PTPRQ: variants seen among roughly 807,000 people sequenced by gnomAD.
The protein encoded by PTPRQ is protein tyrosine phosphatase receptor type Q.
PTPRQ carries 199 observed loss-of-function variants against 246.0 expected under a neutral mutation model. That is an observed-to-expected ratio of 0.81 (90% CI 0.72 to 0.91). The LOEUF (loss-of-function observed/expected upper bound fraction) is 0.91, where lower values mean the gene tolerates loss of function less well. PTPRQ is among the 40% of genes least tolerant of loss of function. The pLI is 0.00. For synonymous variants in PTPRQ, 869 were observed against 853.2 expected (o/e 1.02, Z -0.32); for missense variants, 2,624 against 2,528.4 (o/e 1.04, Z -0.81).
At chr12:80,580,451 G>T (rs1013089923) in intron 25 of PTPRQ, among the ~76,000 whole-genome samples, 3 of 152,250 alleles carry the variant, frequency 2.0e-5, no homozygotes, top group Non-Finnish European at 4.4e-5. Flanking sequence ...CATTCTTAAA[G>T]AATGGAAATC....
Position 80,619,506 on chromosome 12 carries a change from A to C in PTPRQ, c.5353A>C (p.Ile1785Leu). ...ICYYSDDHGP[I>L]KNVQVLVTET... ...TTACTACAGTGATGATCATGGACCA[A>C]TAAAAAATGTACAAGTGCTTGTGAC... is the stretch of plus-strand genomic sequence containing the variant. Residue 1785 changes from isoleucine (I) to leucine (L), a missense_variant, in exon 31 of 45, where the codon ATA becomes CTA. Coordinates refer to ENST00000644991, the MANE Select transcript of PTPRQ (RefSeq NM_001145026.2). 1 of 1,540,544 alleles carries C rather than the reference A, an allele frequency of 6.5e-7. No individual in the cohort carries two copies.
chr12:80,515,742 CTTT>C (rs34385655), intron 17 of PTPRQ, among the ~76,000 whole-genome samples: 1 of 137,890 alleles, frequency 7.3e-6, no homozygotes. Flanking sequence ...CTGAATATTT[CTTT>C]TTTTTTTTTT....
chr12:80,548,847 A>G (rs974016259), intron 24 of PTPRQ, among the ~76,000 whole-genome samples: 2 of 152,008 alleles, frequency 1.3e-5, no homozygotes, highest in African/African-American at 4.8e-5. Context: ...GATATAGAGG[A>G]CCTCTGAGAA....
intron 25 of PTPRQ, among the ~76,000 whole-genome samples, chr12:80,566,664 C>T (rs1278915557): frequency 1.3e-5 from 2 of 151,730 alleles, no homozygotes; most frequent in Non-Finnish European, 2.9e-5. Context: ...CTCAGTCTCC[C>T]GAGTAGCTGG....
At chr12:80,562,864 C>T (rs1896868221) in intron 25 of PTPRQ, among the ~76,000 whole-genome samples, 2 of 151,530 alleles carry the variant, frequency 1.3e-5, no homozygotes, top group Non-Finnish European at 1.5e-5. Context: ...ATAAAATTGA[C>T]AAATCTCTAG....
At chr12:80,637,139 G>A (rs1004675467) in intron 35 of PTPRQ, among the ~76,000 whole-genome samples, 3 of 151,922 alleles carry the variant, frequency 2.0e-5, no homozygotes, top group African/African-American at 7.3e-5. Context: ...TGTGCCTGTA[G>A]TCCCAGCTAC....
chr12:80,582,615 C>A (rs1457693126), intron 25 of PTPRQ, among the ~76,000 whole-genome samples: 1 of 152,156 alleles, frequency 6.6e-6, no homozygotes, highest in African/African-American at 2.4e-5. Flanking sequence ...AGAAACCTGC[C>A]ATGCTGGCAC....
intron 3 of PTPRQ, among the ~76,000 whole-genome samples, chr12:80,451,113 G>T (rs1892752672): frequency 6.6e-6 from 1 of 152,202 alleles, no homozygotes; most frequent in Admixed American, 6.5e-5. Context: ...TTGGGAGGGT[G>T]TATGTGTCGA....
intron 33 of PTPRQ, among the ~76,000 whole-genome samples, chr12:80,626,684 A>G (rs1831758641): frequency 6.6e-6 from 1 of 152,188 alleles, no homozygotes; most frequent in African/African-American, 2.4e-5. Context: ...TCAGTGCTGT[A>G]CTTGTAACCA....
chr12:80,548,905 T>C (rs529950901), intron 24 of PTPRQ, among the ~76,000 whole-genome samples: 2 of 152,122 alleles, frequency 1.3e-5, no homozygotes, highest in East Asian at 3.9e-4. Context: ...AAAATAAGAC[T>C]GAGACTCCTT....
intron 17 of PTPRQ, among the ~76,000 whole-genome samples, chr12:80,522,535 C>T (rs1895533825): frequency 1.3e-5 from 2 of 151,990 alleles, no homozygotes; most frequent in African/African-American, 4.8e-5. Flanking sequence ...GAAATACGTC[C>T]CATCAATACC....
intron 26 of PTPRQ, among the ~76,000 whole-genome samples, chr12:80,595,014 T>C (rs912777376): frequency 2.0e-5 from 3 of 152,176 alleles, no homozygotes; most frequent in African/African-American, 7.2e-5. Flanking sequence ...TATGATTTGG[T>C]TTATATTTCT....
intron 8 of PTPRQ, among the ~76,000 whole-genome samples, chr12:80,478,876 T>A (rs1317211761): frequency 6.6e-6 from 1 of 152,034 alleles, no homozygotes; most frequent in Admixed American, 6.6e-5. Flanking sequence ...TGGGACTATG[T>A]GAAAAGACCA....
intron 26 of PTPRQ, among the ~76,000 whole-genome samples, chr12:80,602,022 G>A (rs1398158123): frequency 1.3e-5 from 2 of 151,580 alleles, no homozygotes; most frequent in African/African-American, 4.8e-5. Flanking sequence ...TCATCAAATC[G>A]AATCCTGGAG....
chr12:80,658,304 A>T (rs1254729906), intron 39 of PTPRQ, among the ~76,000 whole-genome samples: 2 of 152,070 alleles, frequency 1.3e-5, no homozygotes, highest in East Asian at 3.9e-4. Flanking sequence ...TTCAGGCTAC[A>T]CATCCCTGAT....
chr12:80,482,686 A>G lies in PTPRQ; in HGVS notation c.1187-1747A>G, dbSNP rs1190069542. On this transcript the variant is annotated intron_variant, in intron 8 of 44. Transcript: ENST00000644991. ...ACTCAAACAAATTTACAAGAGAAAA[A>G]CAAACAACCCCATCAAAAAGTGGGC... Among the ~76,000 whole-genome samples, 154 of 149,982 alleles carry G rather than the reference A, an allele frequency of 1.0e-3. 1 individual carries two copies. The highest frequency in any genetic ancestry group is 3.4e-3 in the African/African-American group (136 of 39,442).
Position 80,588,127 on chromosome 12 carries a change from A to G in PTPRQ, c.4286-2A>G. ...CTTTTAATTTTTCCCTTTAATTTTT[A>G]GTTCCCAGTGTTCCCACAAATATTG... On this transcript the variant is annotated splice_acceptor_variant, in intron 25 of 44. Coordinates refer to ENST00000644991, the MANE Select transcript of PTPRQ (RefSeq NM_001145026.2). LOFTEE classifies it high-confidence loss of function. 1 of 1,505,556 alleles carries G rather than the reference A, an allele frequency of 6.6e-7. No homozygotes were observed. Among genetic ancestry groups the G allele is most frequent in the Non-Finnish European group, 8.9e-7 (1 of 1,127,080 alleles). The allele number at this position is 1,505,556 out of a possible 1,614,324, so 93.3% of individuals were successfully genotyped here.
chr12:80,460,190 T>G (rs1280055141), intron 5 of PTPRQ, among the ~76,000 whole-genome samples: 1 of 152,216 alleles, frequency 6.6e-6, no homozygotes, highest in Admixed American at 6.5e-5. Flanking sequence ...ATCTTCTTTT[T>G]CAACTTATGA....
rs1350696920 is a variant in PTPRQ at position 80,669,481 on chromosome 12, G to A, written c.6453+17G>A. 1.3e-6 allele frequency: 2 copies of A among 1,534,426 alleles called. No homozygotes were observed. Among genetic ancestry groups the A allele is most frequent in the East Asian group, 2.5e-5 (1 of 40,688 alleles). ...ATTGAAAGGGTAAAAAAAAAAGGGG[G>A]GGACGAGAGAACATGATATAAAATA... On this transcript the variant is annotated intron_variant, in intron 41 of 44. Coordinates refer to ENST00000644991, the MANE Select transcript of PTPRQ (RefSeq NM_001145026.2).
Sources: gnomAD v4.1 joint callset for allele counts (sites outside exome capture counted in the v4.1 genomes callset) on GRCh38, gnomAD v4.1.1 for gene constraint, MANE v1.5 for transcripts, NCBI Gene and HGNC (gene_info 2026-07-23, HGNC 2026-07-21) for gene names.